MPPED1: variants seen among roughly 807,000 people sequenced by gnomAD.
MPPED1 encodes the protein metallophosphoesterase domain containing 1.
MPPED1 carries 16 observed loss-of-function variants against 36.2 expected under a neutral mutation model. That is an observed-to-expected ratio of 0.44 (90% CI 0.30 to 0.67). The LOEUF is 0.67. Ranked by LOEUF, MPPED1 falls within the 30% of genes least tolerant of loss-of-function variation. MPPED1 has a pLI of 0.10. For synonymous variants in MPPED1, 199 were observed against 191.3 expected (o/e 1.04, Z -0.33); for missense variants, 307 against 453.4 (o/e 0.68, Z 2.93).
intron 2 of MPPED1, among the ~76,000 whole-genome samples, chr22:43,428,890 G>T (rs1280781750): frequency 6.6e-6 from 1 of 152,058 alleles, no homozygotes; most frequent in Non-Finnish European, 1.5e-5. Flanking sequence ...CGGACCACTG[G>T]CCTGGTGGTC....
intron 3 of MPPED1, among the ~76,000 whole-genome samples, chr22:43,468,573 G>T (rs143631028): frequency 1.5e-3 from 222 of 152,246 alleles, no homozygotes; most frequent in African/African-American, 4.9e-3. Context: ...CCACTGTCTC[G>T]CTATGTAACC....
intron 4 of MPPED1, among the ~76,000 whole-genome samples, chr22:43,497,929 G>GTGTGTATATATATATATATA (rs1555904565): frequency 2.1e-5 from 1 of 48,756 alleles, no homozygotes; most frequent in African/African-American, 6.3e-5. Context: ...ATATATATAT[G>GTGTGTATATATATATATATA]TATATGTATA....
chr22:43,449,391 C>G (rs937728611), intron 3 of MPPED1, among the ~76,000 whole-genome samples: 1 of 151,862 alleles, frequency 6.6e-6, no homozygotes, highest in Non-Finnish European at 1.5e-5. Flanking sequence ...TCAGGTACAC[C>G]GCCATATCTT....
intron 2 of MPPED1, among the ~76,000 whole-genome samples, chr22:43,434,271 C>G (rs1417909643): frequency 1.3e-5 from 2 of 152,256 alleles, no homozygotes; most frequent in South Asian, 2.1e-4. Context: ...TTTTCTGACA[C>G]AGCCCTGGAA....
intron 1 of MPPED1, among the ~76,000 whole-genome samples, chr22:43,421,732 G>A (rs7290612): frequency 0.085 from 12,894 of 152,084 alleles, 906 homozygotes; most frequent in African/African-American, 0.19. Flanking sequence ...CCATCCATCC[G>A]TTTCTCCCTC....
intron 4 of MPPED1, among the ~76,000 whole-genome samples, chr22:43,475,602 T>G (rs1931534641): frequency 7.5e-6 from 1 of 132,812 alleles, no homozygotes; most frequent in Non-Finnish European, 1.6e-5. Context: ...GTGATGGTGG[T>G]GATGATGGTG....
rs932891380 is a variant in MPPED1, at chr22:43,474,750, G to C, written c.421G>C (p.Glu141Gln). ...FNEWLGSLPY[E>Q]YKIVIAGNHE... ...CACCCCTGCAGGCAGCCTGCCCTAC[G>C]AGTACAAGATCGTGATCGCAGGCAA... Residue 141 changes from glutamate to glutamine, a missense_variant, in exon 4 of 7, where the codon GAG becomes CAG. By Grantham distance (29) the Glu-to-Gln change is conservative (BLOSUM62 2). Coordinates refer to ENST00000443721, the MANE Select transcript of MPPED1 (RefSeq NM_001044370.2). This position sits in a 1 kb window ranked among gnomAD's most constrained non-coding sequence, Gnocchi z 5.2. 6.2e-7 allele frequency: 1 copy of C among 1,613,876 alleles called. No individual in the cohort carries two copies. The highest frequency in any genetic ancestry group is 1.3e-5 in the African/African-American group (1 of 74,944).
chr22:43,463,277 C>T lies in MPPED1; in HGVS notation c.407-11459C>T, dbSNP rs73428336. On this transcript the variant is annotated intron_variant, in intron 3 of 6. Transcript: ENST00000443721. ...CCAGTTTTTTCTTCCATCTCTTTTT[C>T]TGATTTCTCTTCCTGCAACTTGTAG... 8.5e-3 allele frequency among the ~76,000 whole-genome samples: 1,274 copies of T among 149,810 alleles called. 15 individuals are homozygous for T. Among genetic ancestry groups the T allele is most frequent in the African/African-American group, 0.03 (1,222 of 40,886 alleles).
At chr22:43,478,145 G>C (rs1931635826) in intron 4 of MPPED1, among the ~76,000 whole-genome samples, 1 of 152,214 alleles carries the variant, frequency 6.6e-6, no homozygotes, top group African/African-American at 2.4e-5. Context: ...GGCCCTTCAG[G>C]CTGCCAGTCC....
rs186055218 is a variant in MPPED1, at chr22:43,495,042, A to G, written c.633-3193A>G. 3.8e-4 allele frequency among the ~76,000 whole-genome samples: 58 copies of G among 152,200 alleles called. 1 individual carries two copies. Among genetic ancestry groups the G allele is most frequent in the Middle Eastern group, 6.8e-3 (2 of 292 alleles). ...ACCTCCTAGTACTAGCACCTTGGGG[A>G]TTAGATTTCAAAATATTAATTTTGG... On this transcript the variant is annotated intron_variant, in intron 4 of 6. Transcript: ENST00000443721.
At chr22:43,447,885 T>TATATATATATA (rs1601966891) in intron 3 of MPPED1, among the ~76,000 whole-genome samples, 250 of 24,954 alleles carry the variant, frequency 0.01, 1 homozygote, top group Non-Finnish European at 0.016. Context: ...ATATATATAT[T>TATATATATATA]TTTTTTTTTT....
At chr22:43,483,278 T>C (rs1010130440) in intron 4 of MPPED1, among the ~76,000 whole-genome samples, 1 of 152,008 alleles carries the variant, frequency 6.6e-6, no homozygotes, top group Non-Finnish European at 1.5e-5. Flanking sequence ...GTCCTGGGAG[T>C]GGAGGGCAGG....
chr22:43,484,931 A>G (rs1455696004), intron 4 of MPPED1, among the ~76,000 whole-genome samples: 1 of 152,196 alleles, frequency 6.6e-6, no homozygotes, highest in Non-Finnish European at 1.5e-5. Flanking sequence ...TCTGAGCCCA[A>G]CGTGCAGCAT....
intron 5 of MPPED1, among the ~76,000 whole-genome samples, chr22:43,500,500 C>T (rs145926980): frequency 0.41 from 61,787 of 149,732 alleles, 13,812 homozygotes; most frequent in Admixed American, 0.58. Context: ...CCAGTCCACT[C>T]GCTTTACATC....
At position 43,505,596 on chromosome 22, in the gene MPPED1, C is replaced by T; in HGVS notation, c.961C>T (p.Pro321Ser). The change falls in exon 7 of 7, where the codon CCC (proline) becomes TCC (serine). Residue 321 changes from proline (P) to serine (S), a missense_variant. Around this residue, in one of 3 missense-constraint regions of MPPED1, gnomAD observed 132 missense variants for 212.3 expected, o/e 0.62. Coordinates refer to ENST00000443721, the MANE Select transcript of MPPED1 (RefSeq NM_001044370.2). ...GAACCCGCCCATAGTCATCGACCTC[C>T]CCACACCCCGGAACTCCTGACTGCT... ...PVNPPIVIDL[P>S]TPRNS is the part of the protein sequence containing the mutation. The T allele has an allele frequency of 2.5e-6, 4 of 1,611,494 alleles. No homozygotes were observed. Among genetic ancestry groups the T allele is most frequent in the Non-Finnish European group, 3.4e-6 (4 of 1,178,988 alleles).
Position 43,506,409 on chromosome 22 carries a change from C to G in MPPED1, c.*793C>G, listed in dbSNP as rs1333132397. The G allele has an allele frequency of 2.0e-5, 3 of 152,338 alleles. No homozygotes were observed. The East Asian group carries it at 5.8e-4, about 29-fold the overall frequency. The allele number at this position is 152,338 out of a possible 1,614,324, so 9.4% of individuals were successfully genotyped here. On this transcript the variant is annotated 3_prime_UTR_variant, in exon 7 of 7. Coordinates refer to ENST00000443721, the MANE Select transcript of MPPED1 (RefSeq NM_001044370.2). ...ACACTGCTCTGTAGAATGCGGTAGC[C>G]TGGATGGAGGGTCTGCAGGCTTAGG...
chr22:43,470,303 C>T (rs769889456), intron 3 of MPPED1, among the ~76,000 whole-genome samples: 4 of 150,012 alleles, frequency 2.7e-5, no homozygotes. Context: ...TTCATCCATC[C>T]ATTCATCCAT....
chr22:43,483,716 C>A (rs1931820930), intron 4 of MPPED1, among the ~76,000 whole-genome samples: 1 of 152,192 alleles, frequency 6.6e-6, no homozygotes, highest in African/African-American at 2.4e-5. Context: ...CTGGGGGAGT[C>A]CTGGGCAGGC....
chr22:43,484,155 G>T (rs1931837676), intron 4 of MPPED1, among the ~76,000 whole-genome samples: 1 of 152,246 alleles, frequency 6.6e-6, no homozygotes, highest in African/African-American at 2.4e-5. Context: ...GCACAAGGCT[G>T]GCCTTTCCCA....
Sources: allele counts gnomAD v4.1 joint callset (sites outside exome capture counted in the v4.1 genomes callset), GRCh38; gene constraint gnomAD v4.1.1; regional missense constraint gnomAD v4.1.1; non-coding constraint Gnocchi (gnomAD v3.1); transcripts MANE v1.5; gene names NCBI Gene and HGNC (gene_info 2026-07-23, HGNC 2026-07-21).